The following GRIK2 variants were observed in gnomAD, a reference collection of about 807,000 sequenced individuals.
GRIK2 encodes the protein glutamate receptor ionotropic, kainate 2.
Under a neutral mutation model 100.3 loss-of-function variants are expected in GRIK2, and 32 were observed. The observed-to-expected ratio is 0.32, with a 90% CI of 0.24 to 0.43. The LOEUF (loss-of-function observed/expected upper bound fraction) is 0.43. GRIK2 is among the 20% of genes least tolerant of loss of function. GRIK2 has a pLI of 1.00. For synonymous variants in GRIK2, 417 were observed against 389.4 expected, an observed-to-expected ratio of 1.07 and a Z score of -0.83; for missense variants, 843 against 1,114.9, an observed-to-expected ratio of 0.76 and a Z score of 3.47.
intron 2 of GRIK2, among the ~76,000 whole-genome samples, chr6:101,499,278 A>G (rs1051325071): frequency 7.9e-5 from 12 of 152,120 alleles, no homozygotes; most frequent in Non-Finnish European, 1.6e-4. Flanking sequence ...TAGCATTGCT[A>G]TTTTCTTACG....
At chr6:101,791,883 G>T (rs374511196) in intron 7 of GRIK2, among the ~76,000 whole-genome samples, 5 of 151,776 alleles carry the variant, frequency 3.3e-5, no homozygotes, top group Admixed American at 1.3e-4. Context: ...TTATGAATCT[G>T]GGTGCTCCTG....
intron 9 of GRIK2, among the ~76,000 whole-genome samples, chr6:101,803,036 A>G (rs1380283352): frequency 6.6e-6 from 1 of 151,858 alleles, no homozygotes; most frequent in African/African-American, 2.4e-5. Context: ...TCTTAAATAC[A>G]TAATGTATGT....
chr6:101,859,620 T>A, intron 11 of GRIK2, 127 bp downstream of exon 11: 5 of 633,530 alleles, frequency 7.9e-6, no homozygotes, highest in Non-Finnish European at 1.4e-5. Context: ...TTCAATAATT[T>A]TATTTAAGCT....
intron 14 of GRIK2, among the ~76,000 whole-genome samples, chr6:101,987,626 T>C (rs1284202078): frequency 1.3e-5 from 2 of 150,492 alleles, no homozygotes; most frequent in Non-Finnish European, 3.0e-5. Context: ...ATTAGATGTA[T>C]ACTAATTATT....
At chr6:101,945,941 G>A (rs1411881604) in intron 14 of GRIK2, among the ~76,000 whole-genome samples, 4 of 143,366 alleles carry the variant, frequency 2.8e-5, no homozygotes, top group Admixed American at 2.1e-4. Flanking sequence ...TTATGAGATA[G>A]CAAATTAATC....
At chr6:101,459,915 C>T (rs1274836049) in intron 2 of GRIK2, among the ~76,000 whole-genome samples, 1 of 152,070 alleles carries the variant, frequency 6.6e-6, no homozygotes, top group Non-Finnish European at 1.5e-5. Context: ...ACCACCACGC[C>T]CAGCTAATTT....
At chr6:101,993,742 T>C (rs1794498108) in intron 14 of GRIK2, 1 of 149,514 alleles carries the variant, frequency 6.7e-6, no homozygotes, top group Non-Finnish European at 1.5e-5. Flanking sequence ...GTTAAATCTA[T>C]TATACTTCCA....
intron 2 of GRIK2, among the ~76,000 whole-genome samples, chr6:101,520,840 C>T (rs946329602): frequency 4.6e-5 from 7 of 151,960 alleles, no homozygotes; most frequent in East Asian, 1.9e-4. Flanking sequence ...CAATGTCTTG[C>T]GGTCTCAGAG....
intron 4 of GRIK2, among the ~76,000 whole-genome samples, chr6:101,629,631 A>AG (rs1279147378): frequency 1.3e-5 from 2 of 152,142 alleles, no homozygotes; most frequent in Admixed American, 6.6e-5. Flanking sequence ...ACTCGAAGGC[A>AG]GAAAAGTCCC....
chr6:101,717,613 T>C (rs1165962335), intron 7 of GRIK2, among the ~76,000 whole-genome samples: 2 of 151,840 alleles, frequency 1.3e-5, no homozygotes, highest in Admixed American at 1.3e-4. Flanking sequence ...GACATGTATG[T>C]ACTAGCTTCT....
intron 7 of GRIK2, among the ~76,000 whole-genome samples, chr6:101,791,718 T>G (rs887861619): frequency 6.6e-6 from 1 of 152,148 alleles, no homozygotes; most frequent in Non-Finnish European, 1.5e-5. Context: ...AGATGGCTAT[T>G]AGGTCCGCTT....
intron 2 of GRIK2, among the ~76,000 whole-genome samples, chr6:101,499,080 A>C (rs1455219532): frequency 6.6e-6 from 1 of 152,142 alleles, no homozygotes; most frequent in Non-Finnish European, 1.5e-5. Flanking sequence ...CATATGTAGA[A>C]AGCTGAAACT....
chr6:101,680,724 T>G (rs1249632994), intron 5 of GRIK2, among the ~76,000 whole-genome samples: 1 of 152,194 alleles, frequency 6.6e-6, no homozygotes, highest in Non-Finnish European at 1.5e-5. Context: ...GAGCTGTCAT[T>G]GAATGGTACT....
chr6:101,598,160 C>CA (rs553319887), intron 2 of GRIK2, among the ~76,000 whole-genome samples: 69 of 151,856 alleles, frequency 4.5e-4, no homozygotes, highest in Non-Finnish European at 8.3e-4. Context: ...TTTCCTTCTG[C>CA]ATTTTCACTT....
In GRIK2 at chr6:101,399,044, T is replaced by C. The variant is rs557660444; in HGVS notation, c.-234T>C. On this transcript the variant is annotated 5_prime_UTR_variant, in exon 2 of 17. An upstream open reading frame in the 5' UTR loses its in-frame stop. Coordinates refer to ENST00000369134, the MANE Select transcript of GRIK2 (RefSeq NM_021956.5). ...GGATTTCTCCCGGATGCTCTCCGAC[T>C]AACATGGATGTCCCACCATTCCTTG... 1 of 466,490 alleles carries C rather than the reference T, an allele frequency of 2.1e-6. No homozygotes were observed. The highest frequency in any genetic ancestry group is 3.8e-6 in the Non-Finnish European group (1 of 263,906). 28.9% of individuals were successfully genotyped at this position (466,490 alleles called of 1,614,324 possible). A position where few individuals can be genotyped will look rare whatever the true frequency, so the allele number is the denominator to read the frequency against.
intron 14 of GRIK2, among the ~76,000 whole-genome samples, chr6:101,958,253 T>TTGTGTGTGTGTGTGTGTGTGTGTG (rs1554292720): frequency 0.061 from 8,422 of 138,922 alleles, 356 homozygotes; most frequent in Admixed American, 0.093. Flanking sequence ...TGCTACATAT[T>TTGTGTGTGTGTGTGTGTGTGTGTG]TGTGTGTGTG....
At chr6:101,812,898 A>T (rs979198162) in intron 9 of GRIK2, among the ~76,000 whole-genome samples, 7 of 152,092 alleles carry the variant, frequency 4.6e-5, no homozygotes, top group African/African-American at 1.7e-4. Context: ...TACAAGATGC[A>T]ACAAAGTCTA....
intron 14 of GRIK2, among the ~76,000 whole-genome samples, chr6:102,010,664 TGA>T (rs779963452): frequency 5.9e-5 from 9 of 151,802 alleles, no homozygotes; most frequent in Non-Finnish European, 1.2e-4. Context: ...ATTACAGGCG[TGA>T]GACACTGCAC....
At chr6:101,558,669 CTT>C in intron 2 of GRIK2, among the ~76,000 whole-genome samples, 2 of 143,414 alleles carry the variant, frequency 1.4e-5, no homozygotes, top group East Asian at 4.0e-4. Flanking sequence ...CCCTTTGCTT[CTT>C]TTTTTTTTTT....
Sources: gnomAD v4.1 joint callset for allele counts (sites outside exome capture counted in the v4.1 genomes callset) on GRCh38, gnomAD v4.1.1 for gene constraint, MANE v1.5 for transcripts, NCBI Gene and HGNC (gene_info 2026-07-23, HGNC 2026-07-21) for gene names.